NAV1: variants seen among roughly 807,000 people sequenced by gnomAD.
NAV1 encodes the protein pore membrane and/or filament interacting like protein 3.
NAV1 carries 18 observed loss-of-function variants against 175.2 expected under a neutral mutation model. The ratio of observed to expected loss-of-function variants is 0.10; its 90% confidence interval spans 0.07 to 0.15. The LOEUF (loss-of-function observed/expected upper bound fraction) is 0.15. Among genes scored for constraint, NAV1 ranks in the 10% least tolerant of loss-of-function variants. The pLI, the probability that NAV1 is intolerant of heterozygous loss-of-function variation, is 1.00. For synonymous variants in NAV1, 897 were observed against 978.7 expected, an observed-to-expected ratio of 0.92 and a Z score of 1.56; for missense variants, 1,731 against 2,436.6, an observed-to-expected ratio of 0.71 and a Z score of 6.10.
chr1:201,568,340 G>A (rs1006364416), intron 1 of NAV1, among the ~76,000 whole-genome samples: 1 of 152,134 alleles, frequency 6.6e-6, no homozygotes, highest in Non-Finnish European at 1.5e-5. Flanking sequence ...TCTGTTTCCT[G>A]TAACACCCAA....
At chr1:201,679,031 G>A (rs2102394892) in intron 1 of NAV1, among the ~76,000 whole-genome samples, 1 of 152,228 alleles carries the variant, frequency 6.6e-6, no homozygotes, top group East Asian at 1.9e-4. Context: ...TGGGGGTTTG[G>A]AGGTGGGGCT....
intron 1 of NAV1, among the ~76,000 whole-genome samples, chr1:201,624,048 A>G (rs1668253723): frequency 6.6e-6 from 1 of 151,900 alleles, no homozygotes; most frequent in African/African-American, 2.4e-5. Flanking sequence ...CTGCGCCTTT[A>G]CTTAGTAAGT....
intron 2 of NAV1, among the ~76,000 whole-genome samples, chr1:201,634,202 T>C (rs112973960): frequency 0.028 from 4,217 of 152,348 alleles, 80 homozygotes; most frequent in Middle Eastern, 0.071. Context: ...CATAGGGTTT[T>C]GTGAGAATTA....
At chr1:201,737,998 G>A (rs916743683) in intron 3 of NAV1, among the ~76,000 whole-genome samples, 1 of 152,100 alleles carries the variant, frequency 6.6e-6, no homozygotes, top group Non-Finnish European at 1.5e-5. Flanking sequence ...TCGGGTGGTG[G>A]TGAGGATGGG....
chr1:201,632,064 C>T lies in NAV1; in HGVS notation c.4+2557C>T, dbSNP rs1366654681. Among the ~76,000 whole-genome samples, 3 of 152,064 alleles carry T rather than the reference C, an allele frequency of 2.0e-5. No homozygotes were observed. The East Asian group carries it at 5.8e-4, about 29-fold the overall frequency. Reference sequence around the variant, plus strand: ...CCAACCAGTCTTTCTCTGCTCCTTTCCCAATGTGCTTCTCTCTGTCTTCCA... The same window carrying T: ...CCAACCAGTCTTTCTCTGCTCCTTTTCCAATGTGCTTCTCTCTGTCTTCCA... On this transcript the variant is annotated intron_variant, in intron 2 of 29. Transcript: ENST00000367302.
rs1673341404 is a variant in NAV1, at chr1:201,740,408, A to G, written c.1226+21653A>G. Among the ~76,000 whole-genome samples the G allele has an allele frequency of 6.6e-6, 1 of 152,136 alleles. No homozygotes were observed. The highest frequency in any genetic ancestry group is 2.4e-5 in the African/African-American group (1 of 41,416). Reference sequence around the variant, plus strand: ...CTGGACGGAGCTGAGACAATAGCGCAACTTGATTGAACTTCGATGGTTGCG... The same window carrying G: ...CTGGACGGAGCTGAGACAATAGCGCGACTTGATTGAACTTCGATGGTTGCG... On this transcript the variant is annotated intron_variant, in intron 3 of 29. Coordinates refer to ENST00000367296, the Ensembl canonical transcript of NAV1. The surrounding 1 kb of genome is among the most constrained non-coding windows in gnomAD (Gnocchi z 4.7).
intron 2 of NAV1, among the ~76,000 whole-genome samples, chr1:201,631,225 G>A (rs888091827): frequency 2.4e-4 from 36 of 152,194 alleles, no homozygotes; most frequent in African/African-American, 7.2e-4. Flanking sequence ...CATCTCTGCC[G>A]AGGATACGCC....
At chr1:201,648,139 C>T, upstream of NAV1, 1 of 628,672 alleles carries the variant, frequency 1.6e-6, no homozygotes, top group Non-Finnish European at 2.0e-6. Flanking sequence ...CTGTTTGCTC[C>T]CCGCCTTCCC....
At chr1:201,620,744 C>G (rs1479372738), upstream of NAV1, among the ~76,000 whole-genome samples, 2 of 152,070 alleles carry the variant, frequency 1.3e-5, no homozygotes, top group Non-Finnish European at 2.9e-5. Context: ...GCTGGGATTA[C>G]AGGTGTGAGC....
chr1:201,582,666 T>G (rs994544619), intron 1 of NAV1, among the ~76,000 whole-genome samples: 5 of 152,080 alleles, frequency 3.3e-5, no homozygotes, highest in Admixed American at 1.3e-4. Context: ...GGTGAGGAAA[T>G]CCAACAAGGG....
intron 1 of NAV1, among the ~76,000 whole-genome samples, chr1:201,570,223 C>T (rs191718285): frequency 7.5e-4 from 114 of 152,300 alleles, no homozygotes; most frequent in African/African-American, 2.7e-3. Context: ...AGGCTGTGCC[C>T]AGGGCTGCTC....
At chr1:201,620,508 G>A (rs1668132196), upstream of NAV1, among the ~76,000 whole-genome samples, 1 of 142,342 alleles carries the variant, frequency 7.0e-6, no homozygotes, top group African/African-American at 2.7e-5. Flanking sequence ...GTTCAGGCTG[G>A]AGTGCAGTGG....
intron 4 of NAV1, 111 bp from the exon 9 acceptor site, chr1:201,780,901 T>C: frequency 2.4e-6 from 3 of 1,250,810 alleles, no homozygotes. Context: ...CAGTTTGACT[T>C]AATACTCTGA....
intron 11 of NAV1, 42 bp from the exon 16 acceptor site, chr1:201,790,512 T>G: frequency 6.2e-7 from 1 of 1,612,700 alleles, no homozygotes; most frequent in East Asian, 2.2e-5. Context: ...AGTAACTACT[T>G]CCTTTCTCTC....
At chr1:201,676,723 CCCTCTTG>C (rs1670268518) in intron 1 of NAV1, among the ~76,000 whole-genome samples, 1 of 152,148 alleles carries the variant, frequency 6.6e-6, no homozygotes, top group South Asian at 2.1e-4. Context: ...TTCCCCATTC[CCCTCTTG>C]CCAAACATTT....
At position 201,597,628 on chromosome 1, in the gene NAV1, G is replaced by C. The variant is rs181923234; in HGVS notation, c.-33+8979G>C. The stretch of plus-strand genomic sequence containing the variant: ...TAAGGACCCCTTCCCACAGGCTGCA[G>C]AGCCCCTGCTCCACCAGGCTGAGGG... On this transcript the variant is annotated intron_variant, in intron 2 of 33. Transcript: ENST00000685211. Among the ~76,000 whole-genome samples, 257 of 152,328 alleles carry C rather than the reference G, an allele frequency of 1.7e-3. 1 individual carries two copies. The highest frequency in any genetic ancestry group is 5.9e-3 in the African/African-American group (244 of 41,584).
At chr1:201,660,764 G>A (rs1430209322) in intron 1 of NAV1, among the ~76,000 whole-genome samples, 1 of 152,170 alleles carries the variant, frequency 6.6e-6, no homozygotes, top group African/African-American at 2.4e-5. Context: ...TATTAATCAA[G>A]GATCATATGC....
At chr1:201,780,292 A>C (rs1571485329) in intron 3 of NAV1, 129 bp from the exon 8 acceptor site, 1 of 1,032,394 alleles carries the variant, frequency 9.7e-7, no homozygotes, top group Non-Finnish European at 1.4e-6. Context: ...CCTAGGACAA[A>C]CCCCCAGGTT....
chr1:201,735,194 G>A (rs568546455), intron 3 of NAV1, among the ~76,000 whole-genome samples: 11 of 152,308 alleles, frequency 7.2e-5, no homozygotes, highest in African/African-American at 2.6e-4. Flanking sequence ...ACACCAGGGA[G>A]GGAGTTGGCA....
Sources: allele counts gnomAD v4.1 joint callset (sites outside exome capture counted in the v4.1 genomes callset), GRCh38; gene constraint gnomAD v4.1.1; non-coding constraint Gnocchi (gnomAD v3.1); transcripts MANE v1.5; gene names NCBI Gene and HGNC (gene_info 2026-07-23, HGNC 2026-07-21).